BCAS3: variants seen among roughly 807,000 people sequenced by gnomAD.
BCAS3 encodes the protein BCAS3 microtubule associated cell migration factor.
A neutral mutation model predicts 116.1 loss-of-function variants in BCAS3; 53 were observed. That is an observed-to-expected ratio of 0.46 (90% CI 0.37 to 0.57). The LOEUF (loss-of-function observed/expected upper bound fraction) is 0.57. Among genes scored for constraint, BCAS3 ranks in the 20% least tolerant of loss-of-function variants. BCAS3 has a pLI of 0.00. For missense variants in BCAS3, 917 were observed against 1,165.4 expected (o/e 0.79, Z 3.10); for synonymous variants, 391 against 408.2 (o/e 0.96, Z 0.51).
At chr17:60,788,303 G>A (rs1298126549) in intron 6 of BCAS3, among the ~76,000 whole-genome samples, 2 of 152,140 alleles carry the variant, frequency 1.3e-5, no homozygotes, top group African/African-American at 2.4e-5. Flanking sequence ...ATTTGGACAA[G>A]TTATTTAACC....
At chr17:60,716,083 G>A (rs1214518557) in intron 5 of BCAS3, among the ~76,000 whole-genome samples, 1 of 151,184 alleles carries the variant, frequency 6.6e-6, no homozygotes, top group South Asian at 2.1e-4. Context: ...AGCTGGTCTC[G>A]AGCTCCTGAC....
intron 7 of BCAS3, among the ~76,000 whole-genome samples, chr17:60,832,099 A>T (rs947628748): frequency 2.0e-5 from 3 of 152,204 alleles, no homozygotes; most frequent in African/African-American, 7.2e-5. Context: ...TAAGTATAAA[A>T]CTGCTGCAAT....
rs558211148 is a variant in BCAS3, at chr17:61,370,877, T to C, written c.2593+2383T>C. Among the ~76,000 whole-genome samples, 6 of 152,324 alleles carry C rather than the reference T, an allele frequency of 3.9e-5. No homozygotes were observed. The South Asian group carries it at 1.2e-3, about 32-fold the overall frequency. ...AGGTCAGCCTACTGCCCGGAGGTAG[T>C]TGGGGAAATACAGTGCAACGTGGGT... On this transcript the variant is annotated intron_variant, in intron 23 of 23. Coordinates refer to ENST00000407086, the MANE Select transcript of BCAS3 (RefSeq NM_017679.5).
At chr17:60,779,126 A>G (rs2045561591) in intron 6 of BCAS3, among the ~76,000 whole-genome samples, 1 of 152,110 alleles carries the variant, frequency 6.6e-6, no homozygotes, top group South Asian at 2.1e-4. Context: ...ATGCTCCAAA[A>G]TCTAAAATTT....
intron 9 of BCAS3, among the ~76,000 whole-genome samples, chr17:60,875,526 T>C (rs2144919317): frequency 6.6e-6 from 1 of 152,194 alleles, no homozygotes; most frequent in Admixed American, 6.5e-5. Flanking sequence ...TTAAACCATA[T>C]ATGACAGAGA....
At chr17:60,798,109 C>A (rs1382667744) in intron 6 of BCAS3, among the ~76,000 whole-genome samples, 1 of 152,184 alleles carries the variant, frequency 6.6e-6, no homozygotes, top group Non-Finnish European at 1.5e-5. Context: ...CTTCCCACTT[C>A]CCACTTTTTG....
At chr17:61,072,300 C>A (rs79031607) in intron 19 of BCAS3, among the ~76,000 whole-genome samples, 4,468 of 152,200 alleles carry the variant, frequency 0.029, 228 homozygotes, top group African/African-American at 0.1. Context: ...CCAGCTATAA[C>A]AATGATCAAC....
Position 61,136,560 on chromosome 17 carries a change from T to C in BCAS3, c.2425+51996T>C, listed in dbSNP as rs931062649. On this transcript the variant is annotated intron_variant, in intron 22 of 23. Coordinates refer to ENST00000407086, the MANE Select transcript of BCAS3 (RefSeq NM_017679.5). This position sits in a 1 kb window ranked among gnomAD's most constrained non-coding sequence, Gnocchi z 4.4. ...AAATGTCCCCTTGTGGACAAAATTG[T>C]CCCATTTATTTATTGAGAGACGGAG... 6.6e-6 allele frequency among the ~76,000 whole-genome samples: 1 copy of C among 152,154 alleles called. No individual in the cohort carries two copies. Among genetic ancestry groups the C allele is most frequent in the Non-Finnish European group, 1.5e-5 (1 of 68,016 alleles).
intron 7 of BCAS3, among the ~76,000 whole-genome samples, chr17:60,828,555 A>G (rs1342994315): frequency 6.6e-6 from 1 of 152,196 alleles, no homozygotes; most frequent in Non-Finnish European, 1.5e-5. Context: ...GGTTATAATC[A>G]AAGACTATAT....
intron 5 of BCAS3, among the ~76,000 whole-genome samples, chr17:60,744,294 G>A (rs2041848206): frequency 6.6e-6 from 1 of 152,108 alleles, no homozygotes; most frequent in South Asian, 2.1e-4. Context: ...TTTTTAATGA[G>A]CTCTTTTCTT....
intron 22 of BCAS3, among the ~76,000 whole-genome samples, chr17:61,230,169 A>C (rs2082591009): frequency 6.6e-6 from 1 of 150,898 alleles, no homozygotes; most frequent in African/African-American, 2.4e-5. Context: ...ACACACACAC[A>C]CACACATAGT....
chr17:60,842,454 C>T (rs2052033365), intron 7 of BCAS3, among the ~76,000 whole-genome samples: 1 of 152,000 alleles, frequency 6.6e-6, no homozygotes, highest in Non-Finnish European at 1.5e-5. Flanking sequence ...ACCAAGATAC[C>T]ACCTGCCTAT....
rs1315253790 is a variant in BCAS3, at chr17:61,029,909, T to A, written c.1638-4757T>A. On this transcript the variant is annotated intron_variant, in intron 16 of 23. Transcript: ENST00000407086. This position sits in a 1 kb window ranked among gnomAD's most constrained non-coding sequence, Gnocchi z 5.2. The stretch of plus-strand genomic sequence containing the variant: ...GATTTATATGGAGAGGAGAATTTAT[T>A]CTTACCTGCCACATTTACACAAATC... Among the ~76,000 whole-genome samples, 3 of 151,996 alleles carry A rather than the reference T, an allele frequency of 2.0e-5. No homozygotes were observed. The highest frequency in any genetic ancestry group is 4.4e-5 in the Non-Finnish European group (3 of 67,926).
At position 61,302,169 on chromosome 17, in the gene BCAS3, T is replaced by C. The variant is rs1275358221; in HGVS notation, c.2426-66158T>C. The stretch of plus-strand genomic sequence containing the variant: ...CATGCCAGGAGAAAGAGCCAAAAAC[T>C]CCCCCCTCCCCCGACTCCCAGGGTT... On this transcript the variant is annotated intron_variant, in intron 22 of 23. Transcript: ENST00000407086. This position sits in a 1 kb window ranked among gnomAD's most constrained non-coding sequence, Gnocchi z 4.4. Among the ~76,000 whole-genome samples the C allele has an allele frequency of 1.3e-5, 2 of 151,604 alleles. No homozygotes were observed. The highest frequency in any genetic ancestry group is 1.9e-4 in the East Asian group (1 of 5,162).
rs139515641 is a variant in BCAS3, at chr17:61,189,399, G to C, written c.2425+104835G>C. ...AGGCAAGTCATAAGATATTAATCCAGAGCAGTGTGTATTTTAGTTAAGGAA... is the reference window on the plus strand; with the variant it reads ...AGGCAAGTCATAAGATATTAATCCACAGCAGTGTGTATTTTAGTTAAGGAA... On this transcript the variant is annotated intron_variant, in intron 22 of 23. Transcript: ENST00000407086. The surrounding 1 kb of genome is among the most constrained non-coding windows in gnomAD (Gnocchi z 4.5). Among the ~76,000 whole-genome samples, 70 of 152,330 alleles carry C rather than the reference G, an allele frequency of 4.6e-4. No individual in the cohort carries two copies. Among genetic ancestry groups the C allele is most frequent in the African/African-American group, 1.7e-3 (70 of 41,584 alleles).
chr17:61,384,828 CT>C, intron 23 of BCAS3: 1 of 152,610 alleles, frequency 6.6e-6, no homozygotes, highest in Non-Finnish European at 1.5e-5. Context: ...AAGAGGACCC[CT>C]GGTCTGTGGG....
At chr17:60,907,086 G>A in intron 11 of BCAS3, among the ~76,000 whole-genome samples, 1 of 151,988 alleles carries the variant, frequency 6.6e-6, no homozygotes, top group East Asian at 1.9e-4. Context: ...TATGTACTTG[G>A]AGCTCCTTAG....
chr17:60,864,307 G>A (rs2054405220), intron 7 of BCAS3, among the ~76,000 whole-genome samples: 2 of 152,210 alleles, frequency 1.3e-5, no homozygotes, highest in East Asian at 1.9e-4. Flanking sequence ...TTCAGAGGTC[G>A]ATTAAACTGC....
At chr17:61,212,542 G>GTGTA (rs1555781001) in intron 22 of BCAS3, among the ~76,000 whole-genome samples, 5 of 145,088 alleles carry the variant, frequency 3.4e-5, no homozygotes, top group Admixed American at 2.7e-4. Flanking sequence ...GGAATAAAGT[G>GTGTA]TATATATATA....
Sources: allele counts gnomAD v4.1 joint callset (sites outside exome capture counted in the v4.1 genomes callset), GRCh38; gene constraint gnomAD v4.1.1; non-coding constraint Gnocchi (gnomAD v3.1); transcripts MANE v1.5; gene names NCBI Gene and HGNC (gene_info 2026-07-23, HGNC 2026-07-21).